The following NSA2 variants were observed in gnomAD, a reference collection of about 807,000 sequenced individuals.
NSA2 encodes ribosome biogenesis protein NSA2 homolog.
NSA2 carries 18 observed loss-of-function variants against 34.8 expected under a neutral mutation model. That is an observed-to-expected ratio of 0.52 (90% confidence interval 0.36 to 0.77). NSA2 has a LOEUF of 0.77. Ranked by LOEUF, NSA2 falls within the 30% of genes least tolerant of loss-of-function variation. The probability of loss-of-function intolerance (pLI) is 0.00; values close to 1 mark genes in which losing one functional copy is unlikely to be tolerated. For synonymous variants in NSA2, 79 were observed against 100.2 expected (o/e 0.79, Z 1.26); for missense variants, 188 against 314.7 (o/e 0.60, Z 3.05).
chr5:74,768,966 C>G lies in NSA2; in HGVS notation c.39C>G (p.Arg13=), dbSNP rs1302721280. The G allele has an allele frequency of 4.4e-6, 7 of 1,602,524 alleles. No homozygotes were observed. The highest frequency in any genetic ancestry group is 5.1e-6 in the Non-Finnish European group (6 of 1,176,310). ...QNEYIELHRK[R]YGYRLDYHEK... ...AATATATTGAATTACACCGTAAACG[C>G]TATGGATACCGTTTGGATTACCATG... The change falls in exon 2 of 6, where the codon CGC becomes CGG. Residue 13 remains arginine (R), a synonymous_variant. Transcript: ENST00000610426.
At chr5:74,771,466 G>C (rs1278475349) in intron 4 of NSA2, 1 of 152,074 alleles carries the variant, frequency 6.6e-6, no homozygotes, top group South Asian at 2.1e-4. Flanking sequence ...AACACTTCTT[G>C]TCTTTGACAG....
intron 5 of NSA2, among the ~76,000 whole-genome samples, chr5:74,775,215 CA>C: frequency 6.6e-6 from 1 of 151,890 alleles, no homozygotes; most frequent in East Asian, 1.9e-4. Flanking sequence ...GACTCTGTCT[CA>C]AAAAGTAATA....
intron 4 of NSA2, among the ~76,000 whole-genome samples, chr5:74,772,006 C>G (rs1018424660): frequency 5.3e-5 from 8 of 151,986 alleles, no homozygotes; most frequent in African/African-American, 1.9e-4. Context: ...TATATTTTTG[C>G]AAAATCCCTT....
At chr5:74,772,557 G>C (rs1357547131) in intron 4 of NSA2, among the ~76,000 whole-genome samples, 1 of 152,126 alleles carries the variant, frequency 6.6e-6, no homozygotes, top group Non-Finnish European at 1.5e-5. Context: ...TTGCAACAGA[G>C]GCCATATGGC....
chr5:74,773,100 G>A lies in NSA2; in HGVS notation c.523-768G>A, dbSNP rs80045599. On this transcript the variant is annotated intron_variant, in intron 4 of 5. Transcript: ENST00000610426. ...TTGGAATCAGGATATTAAGGTTTGA[G>A]TCTGTTTACCACTCACCATTTAATC... 4.0e-3 allele frequency among the ~76,000 whole-genome samples: 608 copies of A among 152,204 alleles called. 2 individuals carry two copies. Among genetic ancestry groups the A allele is most frequent in the African/African-American group, 0.014 (586 of 41,516 alleles).
chr5:74,773,500 C>T (rs1371913809), intron 4 of NSA2, among the ~76,000 whole-genome samples: 1 of 149,836 alleles, frequency 6.7e-6, no homozygotes, highest in Admixed American at 6.7e-5. Context: ...ATAAGCTAGG[C>T]ATGGTGGTGC....
intron 1 of NSA2, among the ~76,000 whole-genome samples, chr5:74,768,526 TAGGAAAA>T (rs1287732512): frequency 3.3e-5 from 5 of 152,212 alleles, no homozygotes; most frequent in Admixed American, 3.3e-4. Context: ...ACTGTGTAGT[TAGGAAAA>T]ACTTAGAACT....
In NSA2 at chr5:74,769,061, T is replaced by C. The variant is rs1744826701; in HGVS notation, c.134T>C (p.Leu45Pro). ...RSKKAKKMIG[L>P]KAKLYHKQRH... The stretch of plus-strand genomic sequence containing the variant: ...AAGAAGGCAAAGAAAATGATTGGTC[T>C]GAAGGCTAAGCTTTACCATAAACAG... Residue 45 changes from leucine to proline, a missense_variant, in exon 2 of 6, where the codon CTG (leucine) becomes CCG (proline). Physicochemically the swap from Leu to Pro is moderately conservative, Grantham distance 98. Coordinates refer to ENST00000610426, the MANE Select transcript of NSA2 (RefSeq NM_014886.6). 4 of 1,612,234 alleles carry C rather than the reference T, an allele frequency of 2.5e-6. No individual in the cohort carries two copies. The highest frequency in any genetic ancestry group is 2.5e-6 in the Non-Finnish European group (3 of 1,179,706).
In NSA2 at chr5:74,769,243, A is replaced by G; in HGVS notation, c.221A>G (p.Lys74Arg). The change falls in exon 3 of 6, where the codon AAA becomes AGA. Residue 74 changes from lysine to arginine, a missense_variant. By Grantham distance (26) the Lys-to-Arg change is conservative. Coordinates refer to ENST00000610426, the MANE Select transcript of NSA2 (RefSeq NM_014886.6). ...AAGATGCATGAAAAGAGAAACACCA[A>G]ACAAAAGAATGATGAAAAGACACCA... ...TIKMHEKRNT[K>R]QKNDEKTPQG... 3 of 1,609,900 alleles carry G rather than the reference A, an allele frequency of 1.9e-6. No homozygotes were observed. The highest frequency in any genetic ancestry group is 2.5e-6 in the Non-Finnish European group (3 of 1,179,076).
intron 4 of NSA2, among the ~76,000 whole-genome samples, chr5:74,773,334 G>GA (rs925489309): frequency 0.04 from 5,564 of 140,092 alleles, 323 homozygotes; most frequent in African/African-American, 0.13. Context: ...ATTACAGGGT[G>GA]AAAAAAAAAA....
chr5:74,769,310 A>G lies in NSA2; in HGVS notation c.288A>G (p.Gln96=), dbSNP rs1744840713. Residue 96 remains glutamine (Q), a synonymous_variant, in exon 3 of 6, where the codon CAA becomes CAG. Coordinates refer to ENST00000610426, the MANE Select transcript of NSA2 (RefSeq NM_014886.6). ...VPAYLLDREG[Q]SRAKVLSNMI... is the part of the protein sequence containing the mutation. The stretch of plus-strand genomic sequence containing the variant: ...CCTATCTGCTGGACAGAGAGGGACA[A>G]TCTCGAGCTAAAGTACTTTCCAATA... 3 of 1,613,526 alleles carry G rather than the reference A, an allele frequency of 1.9e-6. No homozygotes were observed. The highest frequency in any genetic ancestry group is 2.5e-6 in the Non-Finnish European group (3 of 1,179,794).
intron 4 of NSA2, 145 bp downstream of exon 4, chr5:74,770,955 CAG>C (rs1322378326): frequency 5.5e-6 from 4 of 732,312 alleles, no homozygotes; most frequent in East Asian, 3.0e-5. Context: ...ATTTTATTGA[CAG>C]AAGTTATTTA....
rs1015432408 is a variant in NSA2 at position 74,779,246 on chromosome 5, T to C, written c.*2575T>C. The C allele has an allele frequency of 2.0e-5, 3 of 152,126 alleles. No individual in the cohort carries two copies. The highest frequency in any genetic ancestry group is 7.2e-5 in the African/African-American group (3 of 41,440). The allele number at this position is 152,126 out of a possible 1,614,324, so 9.4% of individuals were successfully genotyped here. A position where few individuals can be genotyped will look rare whatever the true frequency, so the allele number is the denominator to read the frequency against. ...TTGTAAACTCAACTATATTCACACA[T>C]CAAGAGTTGAGCCAGTGAGCTCAAT... On this transcript the variant is annotated 3_prime_UTR_variant, in exon 6 of 6. Coordinates refer to ENST00000610426, the MANE Select transcript of NSA2 (RefSeq NM_014886.6).
rs1745166986 is a variant in NSA2 at position 74,777,294 on chromosome 5, T to A, written c.*623T>A. ...ACTTGAATCATGAAAATGAAAAAAA[T>A]ATACTAAAGTCTTTGTACTCTCTTA... On this transcript the variant is annotated 3_prime_UTR_variant, in exon 6 of 6. Transcript: ENST00000610426. 6.6e-6 allele frequency: 1 copy of A among 152,140 alleles called. No homozygotes were observed. The highest frequency in any genetic ancestry group is 2.4e-5 in the African/African-American group (1 of 41,442). The allele number at this position is 152,140 out of a possible 1,614,324, so 9.4% of individuals were successfully genotyped here.
At position 74,773,946 on chromosome 5, in the gene NSA2, A is replaced by T. The variant is rs1453319587; in HGVS notation, c.601A>T (p.Lys201Ter). 9.3e-6 allele frequency: 15 copies of T among 1,614,044 alleles called. No homozygotes were observed. The highest frequency in any genetic ancestry group is 1.3e-5 in the Non-Finnish European group (15 of 1,179,900). Residue 201 changes from lysine (K) to a stop codon, truncating the protein, a stop_gained, in exon 5 of 6, where the codon AAG becomes TAG. Coordinates refer to ENST00000610426, the MANE Select transcript of NSA2 (RefSeq NM_014886.6). LOFTEE classifies it high-confidence loss of function. ...TFCLPILGVK[K>*]NPSSPLYTTL... ...TTGCCTACCAATACTTGGTGTAAAG[A>T]AGAATCCCTCATCCCCACTGTATAC...
intron 5 of NSA2, 70 bp from the exon 6 acceptor site, chr5:74,776,534 T>C: frequency 4.8e-6 from 4 of 825,494 alleles, no homozygotes; most frequent in Middle Eastern, 2.3e-4. Context: ...GCAAAAGTTA[T>C]ATTCTTTAAA....
At position 74,769,254 on chromosome 5, in the gene NSA2, G is replaced by T; in HGVS notation, c.232G>T (p.Asp78Tyr). 1 of 1,611,298 alleles carries T rather than the reference G, an allele frequency of 6.2e-7. No individual in the cohort carries two copies. Among genetic ancestry groups the T allele is most frequent in the Non-Finnish European group, 8.5e-7 (1 of 1,179,352 alleles). ...AAAGAGAAACACCAAACAAAAGAAT[G>T]ATGAAAAGACACCACAGGGAGCAGT... ...HEKRNTKQKN[D>Y]EKTPQGAVPA... Residue 78 changes from aspartate (D) to tyrosine (Y), a missense_variant, in exon 3 of 6, where the codon GAT becomes TAT. Transcript: ENST00000610426.
intron 5 of NSA2, among the ~76,000 whole-genome samples, chr5:74,775,223 A>G (rs139705931): frequency 6.6e-6 from 1 of 152,142 alleles, no homozygotes; most frequent in Admixed American, 6.5e-5. Context: ...CTCAAAAAGT[A>G]ATAATAATAA....
At chr5:74,775,546 C>T (rs1745082264) in intron 5 of NSA2, among the ~76,000 whole-genome samples, 1 of 151,976 alleles carries the variant, frequency 6.6e-6, no homozygotes, top group Non-Finnish European at 1.5e-5. Flanking sequence ...GAACCTGGAG[C>T]TTGCAGTGAG....
Sources: gnomAD v4.1 joint callset for allele counts (sites outside exome capture counted in the v4.1 genomes callset) on GRCh38, gnomAD v4.1.1 for gene constraint, MANE v1.5 for transcripts, NCBI Gene and HGNC (gene_info 2026-07-23, HGNC 2026-07-21) for gene names.